DLGAP4: variants seen among roughly 807,000 people sequenced by gnomAD.
DLGAP4 encodes the protein DLG associated protein 4, also known as disks large-associated protein 4.
A neutral mutation model predicts 86.9 loss-of-function variants in DLGAP4; 18 were observed. The ratio of observed to expected loss-of-function variants is 0.21; its 90% confidence interval spans 0.14 to 0.31. DLGAP4 has a LOEUF of 0.31. DLGAP4 is among the 10% of genes least tolerant of loss of function. The pLI is 1.00. For missense variants in DLGAP4, 1,085 were observed against 1,362.6 expected (o/e 0.80, Z 3.21); for synonymous variants, 548 against 574.3 (o/e 0.95, Z 0.65).
At chr20:36,499,053 T>C in intron 8 of DLGAP4, 1 of 589,596 alleles carries the variant, frequency 1.7e-6, no homozygotes, top group Non-Finnish European at 3.0e-6. Flanking sequence ...CCGTCCAGGG[T>C]TTGCCCTTAG....
intron 1 of DLGAP4, among the ~76,000 whole-genome samples, chr20:36,349,412 C>T (rs1396592117): frequency 2.7e-5 from 4 of 147,338 alleles, no homozygotes; most frequent in African/African-American, 5.0e-5. Flanking sequence ...AGCAAGACTC[C>T]ATCTCCAAAA....
chr20:36,364,931 C>CA lies in DLGAP4; in HGVS notation c.-303-2108dup, dbSNP rs529153725. 2.4e-3 allele frequency among the ~76,000 whole-genome samples: 368 copies of CA among 151,994 alleles called. 2 individuals carry two copies. Among genetic ancestry groups the CA allele is most frequent in the African/African-American group, 8.6e-3 (358 of 41,448 alleles). On this transcript the variant is annotated intron_variant, in intron 1 of 12. Transcript: ENST00000339266. ...GCAATATAGCGACATTTCATCTCTG[C>CA]AAAAAATACAAAAATTAGTCAGGTG...
intron 7 of DLGAP4, chr20:36,461,997 T>C: frequency 1.0e-6 from 1 of 985,124 alleles, no homozygotes; most frequent in Admixed American, 6.2e-5. Context: ...CCCCCAGATC[T>C]TTTGGGGTTC....
intron 2 of DLGAP4, among the ~76,000 whole-genome samples, chr20:36,419,037 G>A (rs1026759599): frequency 2.6e-5 from 4 of 152,158 alleles, no homozygotes; most frequent in Non-Finnish European, 5.9e-5. Flanking sequence ...CCTTCTGGAT[G>A]TGGGGCCTAG....
intron 10 of DLGAP4, chr20:36,512,473 T>C (rs898259718): frequency 6.6e-6 from 1 of 152,236 alleles, no homozygotes. Context: ...TGAATATTTA[T>C]TGAGTACCTA....
chr20:36,465,943 T>C (rs963929390), intron 7 of DLGAP4, among the ~76,000 whole-genome samples: 8 of 152,310 alleles, frequency 5.3e-5, no homozygotes, highest in Admixed American at 3.9e-4. Flanking sequence ...CCAGGAAGTT[T>C]GTCCTTGCTG....
rs1296723414 is a variant in DLGAP4 at position 36,308,411 on chromosome 20, CG to C, written c.-304+1902del. On this transcript the variant is annotated intron_variant, in intron 1 of 12. Transcript: ENST00000339266. The surrounding 1 kb of genome is among the most constrained non-coding windows in gnomAD (Gnocchi z 4.5). ...TGCTGAAGAGAAACTGTGAGCTGGA[CG>C]GGACCTGATGGCTGGGTTATGTGGA... 3.9e-5 allele frequency among the ~76,000 whole-genome samples: 6 copies of C among 152,090 alleles called. No individual in the cohort carries two copies. Among genetic ancestry groups the C allele is most frequent in the Non-Finnish European group, 7.4e-5 (5 of 67,998 alleles).
At chr20:36,468,754 G>A (rs2034529798) in intron 7 of DLGAP4, among the ~76,000 whole-genome samples, 1 of 152,242 alleles carries the variant, frequency 6.6e-6, no homozygotes, top group Non-Finnish European at 1.5e-5. Flanking sequence ...CCAAAATCTG[G>A]ACAAAGGTTT....
intron 8 of DLGAP4, 38 bp from the exon 9 acceptor site, chr20:36,499,550 T>C: frequency 1.3e-6 from 2 of 1,598,116 alleles, no homozygotes; most frequent in South Asian, 1.1e-5. Context: ...ATTTTTGTCT[T>C]TGTCTCCGTG....
intron 1 of DLGAP4, among the ~76,000 whole-genome samples, chr20:36,330,207 G>A (rs2065253671): frequency 2.0e-5 from 3 of 152,200 alleles, no homozygotes; most frequent in African/African-American, 7.2e-5. Flanking sequence ...TTCTTCCAGA[G>A]CCTGCCTTTG....
chr20:36,504,022 A>G (rs1359230192), intron 10 of DLGAP4, among the ~76,000 whole-genome samples: 2 of 152,196 alleles, frequency 1.3e-5, no homozygotes, highest in African/African-American at 4.8e-5. Flanking sequence ...TTATGGATGT[A>G]TATTCATTTC....
At chr20:36,496,504 G>A (rs943974969) in intron 7 of DLGAP4, among the ~76,000 whole-genome samples, 2 of 152,236 alleles carry the variant, frequency 1.3e-5, no homozygotes, top group African/African-American at 4.8e-5. Flanking sequence ...TCGAATGAGG[G>A]TGGGTAGGGC....
At chr20:36,461,375 G>A (rs895342360) in intron 7 of DLGAP4, 59 of 854,248 alleles carry the variant, frequency 6.9e-5, no homozygotes, top group Non-Finnish European at 8.1e-5. Flanking sequence ...TGCCCGGCCC[G>A]GGAGTCCCTG....
chr20:36,360,030 A>T (rs992760347), intron 1 of DLGAP4, among the ~76,000 whole-genome samples: 4 of 152,208 alleles, frequency 2.6e-5, no homozygotes, highest in African/African-American at 9.7e-5. Flanking sequence ...CTAGCTGATT[A>T]GGGGATCATA....
intron 7 of DLGAP4, chr20:36,462,642 G>A: frequency 6.4e-7 from 1 of 1,559,834 alleles, no homozygotes; most frequent in Admixed American, 2.0e-5. Context: ...TTGGCCCGCA[G>A]GCTGGCCGCG....
At chr20:36,339,286 C>G (rs2065353485) in intron 1 of DLGAP4, among the ~76,000 whole-genome samples, 1 of 152,128 alleles carries the variant, frequency 6.6e-6, no homozygotes, top group African/African-American at 2.4e-5. Context: ...CGGGGTTTCA[C>G]CATGTTGGCC....
chr20:36,341,643 G>A (rs566560038), intron 1 of DLGAP4, among the ~76,000 whole-genome samples: 3 of 152,234 alleles, frequency 2.0e-5, no homozygotes, highest in Admixed American at 6.5e-5. Flanking sequence ...AGGAGTTGGT[G>A]TCTGATCTCC....
At chr20:36,316,631 G>A (rs2147338298) in intron 1 of DLGAP4, among the ~76,000 whole-genome samples, 1 of 152,278 alleles carries the variant, frequency 6.6e-6, no homozygotes, top group Admixed American at 6.5e-5. Flanking sequence ...AGTGTTACCT[G>A]AGCATTGTTG....
rs8118019 is a variant in DLGAP4, at chr20:36,524,177, T to C, written c.2513-73T>C. 2.0e-4 allele frequency: 255 copies of C among 1,256,850 alleles called. 1 individual carries two copies. The African/African-American group carries it at 2.9e-3, about 14-fold the overall frequency. The allele number at this position is 1,256,850 out of a possible 1,614,324, so 77.9% of individuals were successfully genotyped here. On this transcript the variant is annotated intron_variant, in intron 10 of 12. Transcript: ENST00000339266. ...TACCCTAAGGGAGTGTGGGAGGAGA[T>C]TAAAAGCATGATGCCATCCCACCAA...
Sources: gnomAD v4.1 joint callset for allele counts (sites outside exome capture counted in the v4.1 genomes callset) on GRCh38, gnomAD v4.1.1 for gene constraint, Gnocchi (gnomAD v3.1) non-coding constraint, MANE v1.5 for transcripts, NCBI Gene and HGNC (gene_info 2026-07-23, HGNC 2026-07-21) for gene names.